The following PDE4D variants were observed in gnomAD, a reference collection of about 807,000 sequenced individuals.
PDE4D encodes the protein 3',5'-cyclic-AMP phosphodiesterase 4D.
In PDE4D, 24 loss-of-function variants were observed where a neutral mutation model predicts 87.4. The ratio of observed to expected loss-of-function variants is 0.27; its 90% CI spans 0.20 to 0.39. The LOEUF is 0.39. Ranked by LOEUF, PDE4D falls within the 10% of genes least tolerant of loss-of-function variation. PDE4D has a pLI of 1.00. For missense variants in PDE4D, 714 were observed against 1,041.0 expected, an observed-to-expected ratio of 0.69 and a Z score of 4.32; for synonymous variants, 384 against 383.2, an observed-to-expected ratio of 1.00 and a Z score of -0.02.
At chr5:59,634,525 TAACA>T (rs1161765060) in intron 1 of PDE4D, among the ~76,000 whole-genome samples, 2 of 152,050 alleles carry the variant, frequency 1.3e-5, no homozygotes, top group African/African-American at 4.8e-5. Context: ...CCAGAAATCA[TAACA>T]AACAGTCTCT....
At chr5:60,055,106 C>T (rs951721793) in intron 2 of PDE4D, among the ~76,000 whole-genome samples, 3 of 152,056 alleles carry the variant, frequency 2.0e-5, no homozygotes, top group Admixed American at 1.3e-4. Context: ...TATACATCAG[C>T]TTTCCCAGCA....
At chr5:59,920,252 T>C (rs1581739141) in intron 3 of PDE4D, among the ~76,000 whole-genome samples, 1 of 152,200 alleles carries the variant, frequency 6.6e-6, no homozygotes, top group East Asian at 1.9e-4. Context: ...CAGATAAGAA[T>C]ACCGAAATTA....
At chr5:59,895,670 C>T (rs1469413795), upstream of PDE4D, among the ~76,000 whole-genome samples, 1 of 152,320 alleles carries the variant, frequency 6.6e-6, no homozygotes, top group Non-Finnish European at 1.5e-5. Context: ...ACATCCAAAA[C>T]CATTTTAAAG....
intron 1 of PDE4D, among the ~76,000 whole-genome samples, chr5:59,881,451 C>T (rs1037181393): frequency 2.6e-5 from 4 of 152,022 alleles, no homozygotes; most frequent in African/African-American, 9.7e-5. Context: ...ACTTCCTGTC[C>T]TTTAGGTTTA....
At chr5:60,164,976 T>C (rs1696201839) in intron 2 of PDE4D, among the ~76,000 whole-genome samples, 1 of 152,172 alleles carries the variant, frequency 6.6e-6, no homozygotes, top group Admixed American at 6.5e-5. Flanking sequence ...TGCTCAGAAA[T>C]AAATCTCTTG....
chr5:59,237,755 A>C (rs1756761243), intron 1 of PDE4D, among the ~76,000 whole-genome samples: 1 of 149,458 alleles, frequency 6.7e-6, no homozygotes. Flanking sequence ...TCTTTATCAC[A>C]TGGGGAAATC....
chr5:59,383,709 G>GA (rs1413056615), intron 1 of PDE4D, among the ~76,000 whole-genome samples: 1 of 151,778 alleles, frequency 6.6e-6, no homozygotes, highest in Non-Finnish European at 1.5e-5. Flanking sequence ...ATACACATAT[G>GA]AAAAAACCAA....
chr5:60,115,448 A>G (rs1417156006), intron 2 of PDE4D, among the ~76,000 whole-genome samples: 1 of 152,142 alleles, frequency 6.6e-6, no homozygotes, highest in Non-Finnish European at 1.5e-5. Context: ...CATTGAAGAC[A>G]CCAAATAATG....
At chr5:59,662,458 C>T (rs1380081298) in intron 1 of PDE4D, among the ~76,000 whole-genome samples, 2 of 152,112 alleles carry the variant, frequency 1.3e-5, no homozygotes, top group Non-Finnish European at 2.9e-5. Flanking sequence ...TTGTCAAAAC[C>T]ATTTGAATCC....
At chr5:59,914,346 G>T (rs566691964) in intron 3 of PDE4D, among the ~76,000 whole-genome samples, 35 of 152,204 alleles carry the variant, frequency 2.3e-4, no homozygotes, top group Admixed American at 4.6e-4. Context: ...AATTTTACAA[G>T]ATGTGGTCAG....
At chr5:59,402,570 A>C (rs1345106806) in intron 1 of PDE4D, among the ~76,000 whole-genome samples, 1 of 152,122 alleles carries the variant, frequency 6.6e-6, no homozygotes. Context: ...ATTCCATTCA[A>C]ATGTTAAAAA....
At chr5:60,215,591 G>A (rs1261821949) in intron 1 of PDE4D, among the ~76,000 whole-genome samples, 1 of 152,060 alleles carries the variant, frequency 6.6e-6, no homozygotes, top group Admixed American at 6.6e-5. Flanking sequence ...GACAAAATAT[G>A]ATGTATAAAG....
rs374784031 is a variant in PDE4D, at chr5:59,441,335, G to A, written c.456-225367C>T. ...TGGTCCTGAACTCCTGGACTCCAGC[G>A]ATACACCTGCCTTGGCCTCCCAAAG... On this transcript the variant is annotated intron_variant, in intron 1 of 14. Coordinates refer to ENST00000340635, the MANE Select transcript of PDE4D (RefSeq NM_001104631.2). 3.3e-5 allele frequency among the ~76,000 whole-genome samples: 5 copies of A among 152,284 alleles called. 1 individual carries two copies. Among genetic ancestry groups the A allele is most frequent in the South Asian group, 2.1e-4 (1 of 4,820 alleles).
intron 3 of PDE4D, among the ~76,000 whole-genome samples, chr5:59,190,366 A>G (rs1414601585): frequency 6.6e-6 from 1 of 152,096 alleles, no homozygotes; most frequent in Non-Finnish European, 1.5e-5. Flanking sequence ...TTTTATGCAA[A>G]AAGTTTTTGT....
At chr5:59,489,190 T>C (rs1582835119) in intron 1 of PDE4D, among the ~76,000 whole-genome samples, 1 of 150,354 alleles carries the variant, frequency 6.7e-6, no homozygotes, top group Admixed American at 6.7e-5. Flanking sequence ...GCTTGAACCC[T>C]GGAGGCAGAG....
intron 1 of PDE4D, among the ~76,000 whole-genome samples, chr5:59,277,245 T>C (rs1239442254): frequency 1.3e-5 from 2 of 152,152 alleles, no homozygotes; most frequent in African/African-American, 2.4e-5. Flanking sequence ...TCAAGGTGCA[T>C]TTGTGACTTA....
intron 2 of PDE4D, among the ~76,000 whole-genome samples, chr5:60,007,240 G>C (rs1764579325): frequency 6.6e-6 from 1 of 151,910 alleles, no homozygotes; most frequent in Non-Finnish European, 1.5e-5. Context: ...TCAATGATTT[G>C]ATTTGTTATC....
At chr5:59,347,475 A>C (rs190506751) in intron 1 of PDE4D, among the ~76,000 whole-genome samples, 1 of 151,014 alleles carries the variant, frequency 6.6e-6, no homozygotes, top group African/African-American at 2.4e-5. Context: ...GAAAATAAAA[A>C]ATTAATCTCA....
chr5:59,611,943 C>T (rs974653866), intron 1 of PDE4D, among the ~76,000 whole-genome samples: 11 of 152,302 alleles, frequency 7.2e-5, no homozygotes, highest in Admixed American at 6.5e-4. Flanking sequence ...CACCGGATTC[C>T]ACTTCCTAAA....
Sources: gnomAD v4.1 joint callset for allele counts (sites outside exome capture counted in the v4.1 genomes callset) on GRCh38, gnomAD v4.1.1 for gene constraint, MANE v1.5 for transcripts, NCBI Gene and HGNC (gene_info 2026-07-23, HGNC 2026-07-21) for gene names.